CYP4X1: variants seen among roughly 807,000 people sequenced by gnomAD.
The protein encoded by CYP4X1 is cytochrome P450 family 4 subfamily X member 1.
CYP4X1 carries 44 observed loss-of-function variants against 57.9 expected under a neutral mutation model. That is an observed-to-expected ratio of 0.76 (90% CI 0.60 to 0.98). The LOEUF is 0.98. Ranked by LOEUF, CYP4X1 falls within the 50% of genes least tolerant of loss-of-function variation. The pLI is 0.00. For missense variants in CYP4X1, 532 were observed against 623.9 expected (o/e 0.85, Z 1.57); for synonymous variants, 227 against 228.6 (o/e 0.99, Z 0.06).
the CYP4X1 span, among the ~76,000 whole-genome samples, chr1:46,981,842 T>G: frequency 1.3e-5 from 2 of 152,230 alleles, no homozygotes; most frequent in African/African-American, 2.4e-5. Context: ...TGGACATAGA[T>G]GAAGCTGGCA....
At chr1:47,015,573 GT>G in the CYP4X1 span, among the ~76,000 whole-genome samples, 1 of 152,108 alleles carries the variant, frequency 6.6e-6, no homozygotes, top group Non-Finnish European at 1.5e-5. Context: ...CAAAACTACT[GT>G]GTTAATTAGG....
chr1:46,976,562 A>G, the CYP4X1 span, among the ~76,000 whole-genome samples: 1 of 152,170 alleles, frequency 6.6e-6, no homozygotes, highest in Admixed American at 6.5e-5. Flanking sequence ...TGCAGACTTA[A>G]ACATCCCTGT....
intron 6 of CYP4X1, among the ~76,000 whole-genome samples, chr1:47,037,719 G>C (rs1259284668): frequency 1.3e-5 from 2 of 152,032 alleles, no homozygotes; most frequent in African/African-American, 4.8e-5. Flanking sequence ...AGGGCCCCCA[G>C]TTGAGAACCA....
chr1:46,980,562 A>G, the CYP4X1 span, among the ~76,000 whole-genome samples: 366 of 152,310 alleles, frequency 2.4e-3, 2 homozygotes, highest in Non-Finnish European at 4.5e-3. Flanking sequence ...CCAAGGTGTA[A>G]TTTATAGATT....
the CYP4X1 span, among the ~76,000 whole-genome samples, chr1:47,010,747 A>G: frequency 1.3e-5 from 2 of 152,230 alleles, no homozygotes; most frequent in African/African-American, 2.4e-5. Flanking sequence ...AAAAATCACA[A>G]GCATTCTTAT....
At chr1:46,978,093 T>A in the CYP4X1 span, among the ~76,000 whole-genome samples, 1 of 152,028 alleles carries the variant, frequency 6.6e-6, no homozygotes, top group East Asian at 1.9e-4. Context: ...CCAGCTAACA[T>A]CATAATGACA....
intron 1 of CYP4X1, among the ~76,000 whole-genome samples, chr1:47,024,276 A>G (rs1452319728): frequency 1.3e-5 from 2 of 152,200 alleles, no homozygotes; most frequent in Non-Finnish European, 1.5e-5. Flanking sequence ...GCGAGCTGTA[A>G]CTCAAGTCTG....
chr1:46,968,521 G>T, the CYP4X1 span, among the ~76,000 whole-genome samples: 1 of 152,102 alleles, frequency 6.6e-6, no homozygotes, highest in Non-Finnish European at 1.5e-5. Flanking sequence ...TTCCACCACT[G>T]CCTGTAACAT....
At chr1:46,978,389 C>A in the CYP4X1 span, among the ~76,000 whole-genome samples, 1 of 152,072 alleles carries the variant, frequency 6.6e-6, no homozygotes, top group Non-Finnish European at 1.5e-5. Context: ...AAGACCATTA[C>A]AACAATGGTA....
In CYP4X1 at chr1:47,023,877, C is replaced by G; in HGVS notation, c.60C>G (p.Phe20Leu). 6.2e-7 allele frequency: 1 copy of G among 1,613,736 alleles called. No homozygotes were observed. The highest frequency in any genetic ancestry group is 1.3e-5 in the African/African-American group (1 of 75,070). Residue 20 changes from phenylalanine (F) to leucine (L), a missense_variant, in exon 1 of 12, where the codon TTC becomes TTG. Coordinates refer to ENST00000371901, the MANE Select transcript of CYP4X1 (RefSeq NM_178033.2). ...WARPFYLAFV[F>L]CLALGLLQAI... is the part of the protein sequence containing the mutation. Reference sequence around the variant, plus strand: ...GGCCCTTTTACCTGGCGTTCGTGTTCTGCCTGGCCCTGGGGCTGCTGCAGG... The same window carrying G: ...GGCCCTTTTACCTGGCGTTCGTGTTGTGCCTGGCCCTGGGGCTGCTGCAGG...
chr1:47,052,164 C>T (rs577789479), downstream of CYP4X1, among the ~76,000 whole-genome samples: 351 of 151,972 alleles, frequency 2.3e-3, 4 homozygotes, highest in African/African-American at 8.1e-3. Context: ...TTTTTCATAT[C>T]CAATTTTACT....
Position 47,050,093 on chromosome 1 carries a change from G to C in CYP4X1, c.1449G>C (p.Arg483Ser), listed in dbSNP as rs373701345. Residue 483 changes from arginine to serine, a missense_variant, in exon 12 of 12, where the codon AGG (arginine) becomes AGC (serine). Physicochemically the swap from Arg to Ser is moderately radical, Grantham distance 110. Transcript: ENST00000371901. ...TCAGAGTGACTCCAGACCCCACCAGGCCTCTTACTTTCCCCAACCATTTTA... is the reference window on the plus strand; with the variant it reads ...TCAGAGTGACTCCAGACCCCACCAGCCCTCTTACTTTCCCCAACCATTTTA... ...LHFRVTPDPT[R>S]PLTFPNHFIL... is the part of the protein sequence containing the mutation. 6.2e-6 allele frequency: 10 copies of C among 1,613,858 alleles called. No homozygotes were observed. In the African/African-American group the frequency reaches 9.4e-5, roughly 15 times the overall value.
chr1:47,044,838 C>G (rs1474634210), intron 8 of CYP4X1, among the ~76,000 whole-genome samples: 1 of 136,988 alleles, frequency 7.3e-6, no homozygotes, highest in African/African-American at 2.6e-5. Context: ...TTTTTTTTTT[C>G]TGAGACCGAG....
intron 4 of CYP4X1, 105 bp from the exon 5 acceptor site, chr1:47,035,701 G>C: frequency 6.7e-7 from 1 of 1,485,086 alleles, no homozygotes; most frequent in Non-Finnish European, 9.0e-7. Context: ...CTGGGTCAGG[G>C]TTGTCTCCAT....
At chr1:47,009,010 G>A in the CYP4X1 span, among the ~76,000 whole-genome samples, 1 of 152,084 alleles carries the variant, frequency 6.6e-6, no homozygotes, top group African/African-American at 2.4e-5. Flanking sequence ...ACAGATCAAC[G>A]AAACAGAAAG....
chr1:47,012,602 G>GA, the CYP4X1 span, among the ~76,000 whole-genome samples: 5 of 146,934 alleles, frequency 3.4e-5, no homozygotes, highest in South Asian at 2.2e-4. Flanking sequence ...AAACCAGACT[G>GA]AAAAAAAAAA....
At chr1:47,055,388 G>C (rs1159406957), downstream of CYP4X1, among the ~76,000 whole-genome samples, 1 of 151,918 alleles carries the variant, frequency 6.6e-6, no homozygotes, top group South Asian at 2.1e-4. Flanking sequence ...CTCTTTTTTT[G>C]TTGTGTCTCT....
the CYP4X1 span, among the ~76,000 whole-genome samples, chr1:46,981,692 T>C: frequency 1.2e-4 from 19 of 152,346 alleles, no homozygotes; most frequent in East Asian, 2.9e-3. Flanking sequence ...TGTATGTTTA[T>C]TGCGGCACTA....
the CYP4X1 span, among the ~76,000 whole-genome samples, chr1:46,980,649 C>CA: frequency 6.6e-6 from 1 of 151,960 alleles, no homozygotes; most frequent in East Asian, 1.9e-4. Flanking sequence ...CATATGGAAC[C>CA]AAAAAAGAGC....
Sources: gnomAD v4.1 joint callset for allele counts (sites outside exome capture counted in the v4.1 genomes callset) on GRCh38, gnomAD v4.1.1 for gene constraint, MANE v1.5 for transcripts, NCBI Gene and HGNC (gene_info 2026-07-23, HGNC 2026-07-21) for gene names.